The following RALYL variants were observed in gnomAD, a reference collection of about 807,000 sequenced individuals.
RALYL encodes the protein RNA-binding Raly-like protein.
A neutral mutation model predicts 35.1 loss-of-function variants in RALYL; 29 were observed. The observed-to-expected ratio is 0.83, with a 90% CI of 0.61 to 1.13. RALYL has a LOEUF of 1.13. Ranked by LOEUF, RALYL falls within the 50% of genes most tolerant of loss-of-function variation. The pLI, the probability that RALYL is intolerant of heterozygous loss-of-function variation, is 0.00. For missense variants in RALYL, 359 were observed against 360.4 expected, an observed-to-expected ratio of 1.00 and a Z score of 0.03; for synonymous variants, 120 against 127.6, an observed-to-expected ratio of 0.94 and a Z score of 0.40.
intron 1 of RALYL, among the ~76,000 whole-genome samples, chr8:84,521,544 T>A (rs2058459275): frequency 6.6e-6 from 1 of 152,232 alleles, no homozygotes; most frequent in African/African-American, 2.4e-5. Flanking sequence ...TGGTTCCTTA[T>A]AGAATAGAAC....
intron 2 of RALYL, among the ~76,000 whole-genome samples, chr8:84,680,000 A>C (rs1021416681): frequency 1.4e-5 from 2 of 145,746 alleles, no homozygotes; most frequent in African/African-American, 2.6e-5. Flanking sequence ...ATCCCTCCCC[A>C]CTCCCCCCAC....
intron 1 of RALYL, among the ~76,000 whole-genome samples, chr8:84,471,879 C>T (rs766048887): frequency 9.2e-5 from 14 of 151,962 alleles, no homozygotes; most frequent in Admixed American, 8.5e-4. Context: ...TAAAAAATAC[C>T]ATGAAGTGTT....
chr8:84,914,030 A>C (rs765619690), intron 8 of RALYL, among the ~76,000 whole-genome samples: 7 of 152,052 alleles, frequency 4.6e-5, no homozygotes, highest in Non-Finnish European at 1.0e-4. Context: ...TATTCAGAAT[A>C]ATTATGAGTT....
chr8:84,568,621 G>T (rs931873437), intron 2 of RALYL, among the ~76,000 whole-genome samples: 46 of 139,730 alleles, frequency 3.3e-4, no homozygotes, highest in African/African-American at 7.0e-4. Flanking sequence ...CTGAGGAATC[G>T]CCACACTGAC....
chr8:84,403,360 TTCAGTTTTCTACATATGGCTAG>T (rs2043115109), intron 1 of RALYL, among the ~76,000 whole-genome samples: 1 of 151,950 alleles, frequency 6.6e-6, no homozygotes, highest in African/African-American at 2.4e-5. Flanking sequence ...AGGGTCCAGT[TTCAGTTTTCTACATATGGCTAG>T]CCAGTTTTTC....
intron 1 of RALYL, among the ~76,000 whole-genome samples, chr8:84,306,100 C>G (rs1341149405): frequency 6.6e-6 from 1 of 151,012 alleles, no homozygotes; most frequent in African/African-American, 2.4e-5. Flanking sequence ...GGAGGCGGAG[C>G]TTTCAGTGAG....
intron 2 of RALYL, among the ~76,000 whole-genome samples, chr8:84,760,654 T>A (rs1044952175): frequency 3.9e-5 from 6 of 152,088 alleles, no homozygotes; most frequent in South Asian, 4.1e-4. Context: ...AATCAAAATG[T>A]TAAGCAAAAT....
At chr8:84,846,994 G>A (rs143291218) in intron 4 of RALYL, among the ~76,000 whole-genome samples, 7 of 152,050 alleles carry the variant, frequency 4.6e-5, no homozygotes, top group East Asian at 3.9e-4. Flanking sequence ...TGCTAACTTC[G>A]GGGTTAATTT....
Position 84,401,637 on chromosome 8 carries a change from C to CAAAA in RALYL, c.-23-127634_-23-127631dup, listed in dbSNP as rs71271985. ...TGGGCGAAAGAGCTAGACTCTGTCTCAAAAAAAAAAAAAAAAAAAAAAAAA... is the reference window on the plus strand; with the variant it reads ...TGGGCGAAAGAGCTAGACTCTGTCTCAAAAAAAAAAAAAAAAAAAAAAAAAAAAA... On this transcript the variant is annotated intron_variant, in intron 1 of 8. Transcript: ENST00000521268. Among the ~76,000 whole-genome samples, 107 of 17,416 alleles carry CAAAA rather than the reference C, an allele frequency of 6.1e-3. 6 individuals are homozygous for CAAAA. Among genetic ancestry groups the CAAAA allele is most frequent in the East Asian group, 0.011 (4 of 380 alleles). The allele number at this position is 17,416 out of a possible 152,430, so 11.4% of individuals were successfully genotyped here. A position where few individuals can be genotyped will look rare whatever the true frequency, so the allele number is the denominator to read the frequency against.
chr8:84,396,557 A>G (rs1010358614), intron 1 of RALYL, among the ~76,000 whole-genome samples: 1 of 152,136 alleles, frequency 6.6e-6, no homozygotes, highest in Non-Finnish European at 1.5e-5. Flanking sequence ...AGGAAAAATG[A>G]CAGACACAGA....
intron 2 of RALYL, among the ~76,000 whole-genome samples, chr8:84,535,717 G>A (rs1216033782): frequency 2.6e-5 from 4 of 150,998 alleles, no homozygotes; most frequent in South Asian, 2.1e-4. Flanking sequence ...CTCGTGATCC[G>A]CCCACCTCGG....
At chr8:84,612,044 C>T (rs1818419282) in intron 2 of RALYL, among the ~76,000 whole-genome samples, 3 of 151,876 alleles carry the variant, frequency 2.0e-5, no homozygotes, top group Admixed American at 2.0e-4. Flanking sequence ...AGTCACAGCT[C>T]TTTTCATAGT....
intron 8 of RALYL, among the ~76,000 whole-genome samples, chr8:84,897,360 TA>T (rs1161614093): frequency 5.3e-5 from 8 of 152,180 alleles, no homozygotes; most frequent in African/African-American, 1.9e-4. Flanking sequence ...CCAAATTTGT[TA>T]AAAAAGCACT....
At chr8:84,312,689 G>T (rs1413949836) in intron 1 of RALYL, among the ~76,000 whole-genome samples, 1 of 152,216 alleles carries the variant, frequency 6.6e-6, no homozygotes, top group African/African-American at 2.4e-5. Flanking sequence ...GCAAAGGGTG[G>T]GCTCCCATGG....
At chr8:84,346,894 T>C (rs921076739) in intron 1 of RALYL, among the ~76,000 whole-genome samples, 1 of 152,124 alleles carries the variant, frequency 6.6e-6, no homozygotes, top group African/African-American at 2.4e-5. Context: ...ATTTATAAAA[T>C]ATTTTTAAGA....
chr8:84,678,063 A>T (rs994750994), intron 2 of RALYL, among the ~76,000 whole-genome samples: 2 of 152,126 alleles, frequency 1.3e-5, no homozygotes, highest in African/African-American at 2.4e-5. Flanking sequence ...TTGAAAAAAA[A>T]TCCTTAGTTC....
intron 1 of RALYL, among the ~76,000 whole-genome samples, chr8:84,245,195 A>C (rs771791058): frequency 1.3e-5 from 2 of 152,104 alleles, no homozygotes; most frequent in Non-Finnish European, 2.9e-5. Flanking sequence ...TGCTCTAGAG[A>C]GGGACGCTGT....
intron 4 of RALYL, among the ~76,000 whole-genome samples, chr8:84,844,983 G>A (rs28582647): frequency 1.3e-5 from 2 of 152,084 alleles, no homozygotes; most frequent in East Asian, 3.9e-4. Flanking sequence ...TGGGGGAAGG[G>A]GGGAGGGATA....
In RALYL at chr8:84,913,027, G is replaced by GGC. The variant is rs1563856249; in HGVS notation, c.859-7867_859-7866insGC. On this transcript the variant is annotated intron_variant, in intron 8 of 8. Coordinates refer to ENST00000521268, the MANE Select transcript of RALYL (RefSeq NM_173848.7). Reference sequence around the variant, plus strand: ...GGATGGATGGATGGATGGATGGATGGATGGATAGGTAGGTAGATAGATAGA... The same window carrying GGC: ...GGATGGATGGATGGATGGATGGATGGGCATGGATAGGTAGGTAGATAGATAGA... Among the ~76,000 whole-genome samples, 4 of 120,502 alleles carry GGC rather than the reference G, an allele frequency of 3.3e-5. No homozygotes were observed. The East Asian group carries it at 1.0e-3, about 31-fold the overall frequency. 79.1% of individuals were successfully genotyped at this position (120,502 alleles called of 152,430 possible). A position where few individuals can be genotyped will look rare whatever the true frequency, so the allele number is the denominator to read the frequency against.
Sources: gnomAD v4.1 joint callset for allele counts (sites outside exome capture counted in the v4.1 genomes callset) on GRCh38, gnomAD v4.1.1 for gene constraint, MANE v1.5 for transcripts, NCBI Gene and HGNC (gene_info 2026-07-23, HGNC 2026-07-21) for gene names.